SMYD3: variants seen among roughly 807,000 people sequenced by gnomAD.
SMYD3 encodes histone-lysine N-methyltransferase SMYD3.
Under a neutral mutation model 57.7 loss-of-function variants are expected in SMYD3, and 36 were observed. That is an observed-to-expected ratio of 0.62 (90% CI 0.48 to 0.82). SMYD3 has a LOEUF of 0.82. SMYD3 is among the 40% of genes least tolerant of loss of function. SMYD3 has a pLI of 0.00. For missense variants in SMYD3, 515 were observed against 538.8 expected (o/e 0.96, Z 0.44); for synonymous variants, 211 against 195.0 (o/e 1.08, Z -0.68).
chr1:245,982,680 G>A (rs2058622810), intron 5 of SMYD3, among the ~76,000 whole-genome samples: 2 of 152,024 alleles, frequency 1.3e-5, no homozygotes, highest in African/African-American at 2.4e-5. Context: ...AAGGAACTAC[G>A]GAAACATTGC....
chr1:246,499,982 T>C (rs2068432601), intron 1 of SMYD3, among the ~76,000 whole-genome samples: 1 of 151,884 alleles, frequency 6.6e-6, no homozygotes. Context: ...AATGCCAGAG[T>C]ATGTTAAGAG....
At position 246,470,290 on chromosome 1, in the gene SMYD3, G is replaced by A. The variant is rs112973300; in HGVS notation, c.164+36764C>T. Among the ~76,000 whole-genome samples the A allele has an allele frequency of 6.1e-3, 928 of 151,922 alleles. 7 individuals carry two copies. The highest frequency in any genetic ancestry group is 0.021 in the African/African-American group (883 of 41,456). On this transcript the variant is annotated intron_variant, in intron 1 of 11. Transcript: ENST00000490107. Reference sequence around the variant, plus strand: ...GAGGATCACCTGAGGTCAGGAGTTCGAGACTAGCCTGGTCATCATGGCAAA... The same window carrying A: ...GAGGATCACCTGAGGTCAGGAGTTCAAGACTAGCCTGGTCATCATGGCAAA...
At chr1:245,838,699 G>C (rs1316061165) in intron 10 of SMYD3, among the ~76,000 whole-genome samples, 1 of 152,146 alleles carries the variant, frequency 6.6e-6, no homozygotes, top group African/African-American at 2.4e-5. Context: ...TTAGTGTCAT[G>C]GTGAATCTAA....
At chr1:246,221,636 C>G (rs2063255979) in intron 5 of SMYD3, among the ~76,000 whole-genome samples, 1 of 152,204 alleles carries the variant, frequency 6.6e-6, no homozygotes, top group Non-Finnish European at 1.5e-5. Flanking sequence ...CCGGTCCAGC[C>G]ACAGCCTCAC....
chr1:245,759,289 C>T (rs1175936702), intron 11 of SMYD3, among the ~76,000 whole-genome samples: 1 of 151,874 alleles, frequency 6.6e-6, no homozygotes, highest in Non-Finnish European at 1.5e-5. Flanking sequence ...CATCCTTCCG[C>T]ATGCCCTCTT....
intron 5 of SMYD3, among the ~76,000 whole-genome samples, chr1:246,073,992 G>A (rs535351101): frequency 6.6e-6 from 1 of 152,286 alleles, no homozygotes; most frequent in East Asian, 1.9e-4. Context: ...TCCAACCTGT[G>A]GCCCAGCATG....
chr1:245,811,310 G>C (rs945557406), intron 10 of SMYD3, among the ~76,000 whole-genome samples: 12 of 152,122 alleles, frequency 7.9e-5, no homozygotes, highest in Admixed American at 2.0e-4. Flanking sequence ...ATGCCCCCTT[G>C]AAGCAAATAA....
intron 5 of SMYD3, among the ~76,000 whole-genome samples, chr1:246,297,178 G>A (rs1454617960): frequency 6.6e-6 from 1 of 152,082 alleles, no homozygotes; most frequent in Non-Finnish European, 1.5e-5. Context: ...GAAAAAGAAA[G>A]TAAGAAAGAG....
intron 2 of SMYD3, among the ~76,000 whole-genome samples, chr1:246,348,034 C>T (rs979141144): frequency 5.5e-5 from 5 of 91,508 alleles, no homozygotes; most frequent in Non-Finnish European, 9.5e-5. Context: ...AGGTGCCCAT[C>T]ATTGGTGGAC....
chr1:246,333,495 C>T (rs1345495311), intron 3 of SMYD3, among the ~76,000 whole-genome samples: 2 of 152,148 alleles, frequency 1.3e-5, no homozygotes, highest in Non-Finnish European at 2.9e-5. Context: ...TATTCGCAAA[C>T]TATGCAGCCA....
intron 5 of SMYD3, among the ~76,000 whole-genome samples, chr1:245,937,299 C>T (rs1461690856): frequency 6.6e-6 from 1 of 152,242 alleles, no homozygotes; most frequent in Non-Finnish European, 1.5e-5. Context: ...CACAGTCAAA[C>T]TGCCAAATGT....
intron 8 of SMYD3, among the ~76,000 whole-genome samples, chr1:245,869,028 C>T (rs184376724): frequency 6.6e-6 from 1 of 152,078 alleles, no homozygotes; most frequent in East Asian, 1.9e-4. Flanking sequence ...AAATTTATAT[C>T]CTTATTTCCA....
At chr1:246,482,899 C>T (rs999454741) in intron 1 of SMYD3, among the ~76,000 whole-genome samples, 6 of 151,862 alleles carry the variant, frequency 4.0e-5, no homozygotes, top group Non-Finnish European at 8.8e-5. Context: ...AAGGGCAGAC[C>T]AAGGAGCCTC....
At chr1:246,410,380 A>C (rs2066944602) in intron 1 of SMYD3, among the ~76,000 whole-genome samples, 1 of 152,144 alleles carries the variant, frequency 6.6e-6, no homozygotes, top group Non-Finnish European at 1.5e-5. Flanking sequence ...TTTAGCATGA[A>C]GTGTTGCTGA....
intron 5 of SMYD3, among the ~76,000 whole-genome samples, chr1:245,957,754 T>C (rs6695221): frequency 0.61 from 92,524 of 152,090 alleles, 30,530 homozygotes; most frequent in East Asian, 0.95. Context: ...CTTTGCCTTC[T>C]GAGTATCCTC....
chr1:246,384,286 AG>A (rs2066433941), intron 1 of SMYD3, among the ~76,000 whole-genome samples: 1 of 152,196 alleles, frequency 6.6e-6, no homozygotes, highest in African/African-American at 2.4e-5. Flanking sequence ...TTTCATGTAT[AG>A]GTTGAGACTA....
intron 5 of SMYD3, among the ~76,000 whole-genome samples, chr1:246,158,177 T>C (rs1333982486): frequency 6.6e-6 from 1 of 152,220 alleles, no homozygotes; most frequent in African/African-American, 2.4e-5. Flanking sequence ...GCTGCTACTT[T>C]AAGGTAAAAA....
chr1:246,179,330 A>G (rs1398795957), intron 5 of SMYD3: 1 of 152,362 alleles, frequency 6.6e-6, no homozygotes, highest in African/African-American at 2.4e-5. Flanking sequence ...ACTGTAATGC[A>G]CAAAATAATT....
chr1:246,412,853 C>T (rs1572477335), intron 1 of SMYD3, among the ~76,000 whole-genome samples: 2 of 77,628 alleles, frequency 2.6e-5, no homozygotes, highest in Non-Finnish European at 5.4e-5. Context: ...AGTGAGACTC[C>T]GTCTCAAAAA....
Sources: allele counts gnomAD v4.1 joint callset (sites outside exome capture counted in the v4.1 genomes callset), GRCh38; gene constraint gnomAD v4.1.1; transcripts MANE v1.5; gene names NCBI Gene and HGNC (gene_info 2026-07-23, HGNC 2026-07-21).